Variants in NBAS observed in about 807,000 individuals in gnomAD.
NBAS encodes NBAS subunit of NRZ tethering complex.
In NBAS, 219 loss-of-function variants were observed where a neutral mutation model predicts 302.5. The observed-to-expected ratio is 0.72, with a 90% CI of 0.65 to 0.81. The LOEUF (loss-of-function observed/expected upper bound fraction) is 0.81. NBAS is among the 30% of genes least tolerant of loss of function. The probability of loss-of-function intolerance (pLI) is 0.00; values close to 1 mark genes in which losing one functional copy is unlikely to be tolerated. For synonymous variants in NBAS, 1,118 were observed against 1,021.6 expected, an observed-to-expected ratio of 1.09 and a Z score of -1.80; for missense variants, 2,932 against 2,841.6, an observed-to-expected ratio of 1.03 and a Z score of -0.72.
intron 21 of NBAS, among the ~76,000 whole-genome samples, chr2:15,457,807 C>A (rs1459786765): frequency 6.6e-6 from 1 of 152,210 alleles, no homozygotes; most frequent in Non-Finnish European, 1.5e-5. Context: ...GAAATAATTT[C>A]TAGAAGTACA....
At chr2:14,926,180 G>C in the NBAS span, among the ~76,000 whole-genome samples, 1 of 152,158 alleles carries the variant, frequency 6.6e-6, no homozygotes, top group Middle Eastern at 3.2e-3. Flanking sequence ...TATTGGTACA[G>C]GAGGTCATGG....
At chr2:15,475,084 A>G (rs1558373327) in intron 14 of NBAS, among the ~76,000 whole-genome samples, 1 of 152,244 alleles carries the variant, frequency 6.6e-6, no homozygotes, top group Non-Finnish European at 1.5e-5. Context: ...GATAACTTTC[A>G]TTCCAGACTT....
chr2:14,841,863 T>C, the NBAS span, among the ~76,000 whole-genome samples: 1 of 151,944 alleles, frequency 6.6e-6, no homozygotes, highest in South Asian at 2.1e-4. Flanking sequence ...TTACAGAACA[T>C]TTCACCCAAC....
the NBAS span, among the ~76,000 whole-genome samples, chr2:14,784,148 G>A: frequency 7.2e-5 from 11 of 152,110 alleles, no homozygotes; most frequent in Middle Eastern, 3.2e-3. Context: ...CATGTCCTTT[G>A]CCCACTTTTT....
At chr2:15,459,799 G>A (rs2148557226) in intron 21 of NBAS, among the ~76,000 whole-genome samples, 1 of 152,168 alleles carries the variant, frequency 6.6e-6, no homozygotes, top group Admixed American at 6.6e-5. Context: ...ATTTTTATCA[G>A]AACAAAGAGT....
At chr2:15,061,046 C>A in the NBAS span, among the ~76,000 whole-genome samples, 1 of 152,224 alleles carries the variant, frequency 6.6e-6, no homozygotes, top group South Asian at 2.1e-4. Flanking sequence ...CAAAGAGAAG[C>A]CTTAAGTACT....
chr2:15,079,875 CTAA>C, the NBAS span, among the ~76,000 whole-genome samples: 7 of 152,280 alleles, frequency 4.6e-5, no homozygotes, highest in South Asian at 1.5e-3. Flanking sequence ...GAGTACATAA[CTAA>C]TAAGTACTTA....
intron 11 of NBAS, among the ~76,000 whole-genome samples, chr2:15,492,632 T>A (rs1301757722): frequency 6.6e-6 from 1 of 152,068 alleles, no homozygotes; most frequent in African/African-American, 2.4e-5. Context: ...AACTTTTGTA[T>A]TTTTTGTAGA....
chr2:15,434,438 T>A (rs966736830), intron 21 of NBAS, among the ~76,000 whole-genome samples: 33 of 152,244 alleles, frequency 2.2e-4, no homozygotes, highest in African/African-American at 7.7e-4. Flanking sequence ...ACAAAGAAAG[T>A]CACCAGGAAA....
intron 19 of NBAS, among the ~76,000 whole-genome samples, chr2:15,462,097 G>C (rs1293078164): frequency 6.6e-6 from 1 of 152,212 alleles, no homozygotes; most frequent in African/African-American, 2.4e-5. Context: ...AGTTATTCAT[G>C]ACAATGTATT....
At chr2:14,978,926 T>G in the NBAS span, among the ~76,000 whole-genome samples, 2 of 152,212 alleles carry the variant, frequency 1.3e-5, no homozygotes. Context: ...CTCAAGGTGC[T>G]GAGGGGGTAC....
intron 44 of NBAS, among the ~76,000 whole-genome samples, chr2:15,240,802 T>C (rs1667834063): frequency 6.6e-6 from 1 of 152,166 alleles, no homozygotes; most frequent in African/African-American, 2.4e-5. Context: ...ATTAAAAAAA[T>C]CAGAGCCCAC....
At chr2:15,046,852 G>A in the NBAS span, among the ~76,000 whole-genome samples, 52,122 of 151,978 alleles carry the variant, frequency 0.34, 10,588 homozygotes, top group East Asian at 0.58. Flanking sequence ...GCCTTCAAGG[G>A]TCGGTTTCAG....
rs1664108088 is a variant in NBAS at position 15,167,885 on chromosome 2, T to A, written c.6841-562A>T. Among the ~76,000 whole-genome samples, 3 of 152,194 alleles carry A rather than the reference T, an allele frequency of 2.0e-5. No individual in the cohort carries two copies. The South Asian group carries it at 6.2e-4, about 32-fold the overall frequency. ...TGGAACAAGAAAACCTTTTTTGTAC[T>A]CCATTGAGAGAAGAGTATGTCCCTC... On this transcript the variant is annotated intron_variant, in intron 51 of 51. Coordinates refer to ENST00000281513, the MANE Select transcript of NBAS (RefSeq NM_015909.4).
At chr2:14,857,034 A>G in the NBAS span, among the ~76,000 whole-genome samples, 1 of 152,276 alleles carries the variant, frequency 6.6e-6, no homozygotes, top group South Asian at 2.1e-4. Flanking sequence ...ACAATATGAG[A>G]AATAAATTAA....
At chr2:15,307,089 G>A (rs1448897151) in intron 40 of NBAS, among the ~76,000 whole-genome samples, 2 of 152,214 alleles carry the variant, frequency 1.3e-5, no homozygotes, top group East Asian at 1.9e-4. Flanking sequence ...AGCTATGGCT[G>A]TGACAGGTGG....
chr2:15,363,277 T>G (rs1001999425), intron 32 of NBAS, among the ~76,000 whole-genome samples: 1 of 152,164 alleles, frequency 6.6e-6, no homozygotes, highest in Non-Finnish European at 1.5e-5. Context: ...AACATGTACC[T>G]CTCCTACAGT....
At chr2:14,828,883 A>T in the NBAS span, among the ~76,000 whole-genome samples, 1 of 152,238 alleles carries the variant, frequency 6.6e-6, no homozygotes, top group African/African-American at 2.4e-5. Flanking sequence ...AATAGCATGG[A>T]TGTCAAAATA....
chr2:15,468,527 T>C lies in NBAS; in HGVS notation c.1732A>G (p.Ile578Val), dbSNP rs1310841900. ...TGGAGAACCCAGGATCGCTTCTTTA[T>C]TTTACTCTGCATATAAAGGAAGAAA... ...VASIQNYLSKIKKRSWVLHEC... is the reference protein window; with the variant it reads ...VASIQNYLSKVKKRSWVLHEC... The change falls in exon 17 of 52, where the codon ATA becomes GTA. Residue 578 changes from isoleucine to valine, a missense_variant. Coordinates refer to ENST00000281513, the MANE Select transcript of NBAS (RefSeq NM_015909.4). 1.7e-5 allele frequency: 28 copies of C among 1,613,790 alleles called. No homozygotes were observed. The highest frequency in any genetic ancestry group is 2.0e-5 in the Non-Finnish European group (24 of 1,179,862).
Sources: gnomAD v4.1 joint callset for allele counts (sites outside exome capture counted in the v4.1 genomes callset) on GRCh38, gnomAD v4.1.1 for gene constraint, MANE v1.5 for transcripts, NCBI Gene and HGNC (gene_info 2026-07-23, HGNC 2026-07-21) for gene names.